Variants in MCF2L observed in about 807,000 individuals in gnomAD.
The protein encoded by MCF2L is guanine nucleotide exchange factor DBS.
Under a neutral mutation model 153.4 loss-of-function variants are expected in MCF2L, and 97 were observed. That is an observed-to-expected ratio of 0.63 (90% CI 0.54 to 0.75). MCF2L has a LOEUF of 0.75. MCF2L is among the 30% of genes least tolerant of loss of function. MCF2L has a pLI of 0.00. For missense variants in MCF2L, 1,347 were observed against 1,495.2 expected, an observed-to-expected ratio of 0.90 and a Z score of 1.64; for synonymous variants, 659 against 632.2, an observed-to-expected ratio of 1.04 and a Z score of -0.64.
At chr13:112,976,742 T>A (rs2082228568) in intron 1 of MCF2L, among the ~76,000 whole-genome samples, 1 of 152,088 alleles carries the variant, frequency 6.6e-6, no homozygotes, top group African/African-American at 2.4e-5. Flanking sequence ...GTGAGTGGCC[T>A]CTCAGACACC....
At position 113,087,755 on chromosome 13, in the gene MCF2L, T is replaced by C. The variant is rs1362675002; in HGVS notation, c.2644T>C (p.Phe882Leu). Residue 882 changes from phenylalanine (F) to leucine (L), a missense_variant, in exon 23 of 30, where the codon TTC becomes CTC. Transcript: ENST00000535094. Reference protein sequence around the residue: ...TENVKGDAKKFEIWYNAREEV... With the variant: ...TENVKGDAKKLEIWYNAREEV... ...GAACGTGAAGGGAGATGCTAAGAAG[T>C]TCGAGATCTGGTACAACGCGCGCGA... is the stretch of plus-strand genomic sequence containing the variant. 1 of 1,614,096 alleles carries C rather than the reference T, an allele frequency of 6.2e-7. No individual in the cohort carries two copies. Among genetic ancestry groups the C allele is most frequent in the Non-Finnish European group, 8.5e-7 (1 of 1,180,030 alleles).
At chr13:112,968,380 G>GC, upstream of MCF2L, 1 of 1,509,260 alleles carries the variant, frequency 6.6e-7, no homozygotes, top group Non-Finnish European at 8.8e-7. Flanking sequence ...GGCGGCCATG[G>GC]CCCTGCATAG....
At chr13:112,898,536 C>T (rs1435586847) in intron 1 of MCF2L, among the ~76,000 whole-genome samples, 1 of 152,168 alleles carries the variant, frequency 6.6e-6, no homozygotes, top group East Asian at 1.9e-4. Context: ...GACACGGCAG[C>T]AGCAGGGGTA....
intron 2 of MCF2L, among the ~76,000 whole-genome samples, chr13:112,925,732 G>T (rs1307286395): frequency 6.6e-6 from 1 of 152,064 alleles, no homozygotes; most frequent in Non-Finnish European, 1.5e-5. Flanking sequence ...TGGTCACTGG[G>T]TACATACATA....
intron 2 of MCF2L, among the ~76,000 whole-genome samples, chr13:113,021,050 A>T (rs111220274): frequency 1.2e-5 from 1 of 86,776 alleles, no homozygotes; most frequent in Non-Finnish European, 2.6e-5. Context: ...CTGTGTGTGT[A>T]TATCCATGTG....
chr13:112,934,416 GAGCT>G (rs993330181), intron 2 of MCF2L, among the ~76,000 whole-genome samples: 8 of 152,374 alleles, frequency 5.3e-5, no homozygotes, highest in African/African-American at 1.9e-4. Context: ...CCAGCAGGGT[GAGCT>G]AGAACAGTGC....
intron 2 of MCF2L, among the ~76,000 whole-genome samples, chr13:112,936,515 G>C (rs959694868): frequency 2.6e-5 from 4 of 152,182 alleles, no homozygotes; most frequent in Admixed American, 2.6e-4. Flanking sequence ...TTGGGAAAAG[G>C]TGTTTTTGGG....
chr13:112,894,754 T>TA (rs1265263425), intron 1 of MCF2L, among the ~76,000 whole-genome samples: 1 of 152,006 alleles, frequency 6.6e-6, no homozygotes, highest in Non-Finnish European at 1.5e-5. Context: ...CCCCGGCAGG[T>TA]GTCACCCCCT....
At chr13:112,979,866 C>A (rs2082344178) in intron 1 of MCF2L, 1 of 968,528 alleles carries the variant, frequency 1.0e-6, no homozygotes, top group Non-Finnish European at 1.5e-6. Context: ...CACCACTTGA[C>A]CAGCAAAAAC....
At position 112,901,929 on chromosome 13, in the gene MCF2L, T is replaced by C. The variant is rs188587615; in HGVS notation, c.-4-270T>C. On this transcript the variant is annotated intron_variant, in intron 1 of 29. Transcript: ENST00000375608. The stretch of plus-strand genomic sequence containing the variant: ...AACCTCGGTTGTTGTTGTTTTTCTT[T>C]TCTTCAGCAGCAGAAGTTGATAATA... Among the ~76,000 whole-genome samples, 209 of 152,368 alleles carry C rather than the reference T, an allele frequency of 1.4e-3. 1 individual carries two copies. The highest frequency in any genetic ancestry group is 4.4e-3 in the African/African-American group (182 of 41,588).
At chr13:112,970,912 C>G (rs1234820685) in intron 1 of MCF2L, among the ~76,000 whole-genome samples, 1 of 152,138 alleles carries the variant, frequency 6.6e-6, no homozygotes, top group African/African-American at 2.4e-5. Context: ...TGTGCGTCCT[C>G]CCACACATCT....
rs1400797508 is a variant in MCF2L, at chr13:112,983,953, G to A, written c.79+14495G>A. On this transcript the variant is annotated intron_variant, in intron 1 of 29. Coordinates refer to ENST00000535094, the MANE Select transcript of MCF2L (RefSeq NM_001112732.3). The surrounding 1 kb of genome is among the most constrained non-coding windows in gnomAD (Gnocchi z 4.0). ...GGAGCCTCCTCTGCCCGGAGGAGAC[G>A]GTGCTGGGAGAAAATGTAGCTGCAG... is the stretch of plus-strand genomic sequence containing the variant. Among the ~76,000 whole-genome samples the A allele has an allele frequency of 2.0e-5, 3 of 152,226 alleles. No homozygotes were observed. Among genetic ancestry groups the A allele is most frequent in the Non-Finnish European group, 4.4e-5 (3 of 68,040 alleles).
At chr13:113,041,453 G>A (rs1239231946) in intron 3 of MCF2L, among the ~76,000 whole-genome samples, 28 of 144,656 alleles carry the variant, frequency 1.9e-4, no homozygotes, top group African/African-American at 8.1e-4. Context: ...GGGGGATCAT[G>A]TGGCCCTGCC....
intron 18 of MCF2L, chr13:113,084,553 A>G (rs544593588): frequency 2.7e-6 from 1 of 376,092 alleles, no homozygotes; most frequent in Admixed American, 4.3e-5. Context: ...AGAAAATGCT[A>G]GAAGTTCTAT....
chr13:113,086,799 A>C (rs1394146517), intron 21 of MCF2L, among the ~76,000 whole-genome samples: 2 of 151,920 alleles, frequency 1.3e-5, no homozygotes, highest in Admixed American at 1.3e-4. Flanking sequence ...TTTGTGAGAT[A>C]ATTGAGTATA....
At chr13:112,940,596 C>G (rs1467984254) in intron 2 of MCF2L, among the ~76,000 whole-genome samples, 1 of 152,210 alleles carries the variant, frequency 6.6e-6, no homozygotes. Flanking sequence ...TTTGAAACCT[C>G]GTGTGCCAAC....
At chr13:112,994,738 G>T (rs1207046872) in intron 1 of MCF2L, among the ~76,000 whole-genome samples, 1 of 152,198 alleles carries the variant, frequency 6.6e-6, no homozygotes, top group African/African-American at 2.4e-5. Flanking sequence ...CCTGCCTGGG[G>T]TCGCCGCTGC....
intron 4 of MCF2L, among the ~76,000 whole-genome samples, chr13:113,050,463 T>C (rs568324745): frequency 3.3e-5 from 5 of 151,448 alleles, no homozygotes; most frequent in Non-Finnish European, 7.4e-5. Context: ...ACAACTCTCT[T>C]TCCTGTAACG....
intron 2 of MCF2L, among the ~76,000 whole-genome samples, chr13:112,949,702 C>A (rs181624097): frequency 1.3e-4 from 19 of 148,218 alleles, no homozygotes; most frequent in East Asian, 5.9e-4. Context: ...AAAAAAAAAA[C>A]AACAAAACTC....
Sources: gnomAD v4.1 joint callset for allele counts (sites outside exome capture counted in the v4.1 genomes callset) on GRCh38, gnomAD v4.1.1 for gene constraint, Gnocchi (gnomAD v3.1) non-coding constraint, MANE v1.5 for transcripts, NCBI Gene and HGNC (gene_info 2026-07-23, HGNC 2026-07-21) for gene names.